ADGRG7: variants seen among roughly 807,000 people sequenced by gnomAD.
ADGRG7 encodes adhesion G protein-coupled receptor G7.
A neutral mutation model predicts 88.6 loss-of-function variants in ADGRG7; 82 were observed. The observed-to-expected ratio is 0.93, with a 90% CI of 0.77 to 1.11. ADGRG7 has a LOEUF of 1.11. Among genes scored for constraint, ADGRG7 ranks in the 50% most tolerant of loss-of-function variants. ADGRG7 has a pLI of 0.00. For synonymous variants in ADGRG7, 381 were observed against 345.2 expected (o/e 1.10, Z -1.15); for missense variants, 945 against 953.4 (o/e 0.99, Z 0.12).
At chr3:100,651,889 G>A (rs984113898) in intron 11 of ADGRG7, among the ~76,000 whole-genome samples, 1 of 152,200 alleles carries the variant, frequency 6.6e-6, no homozygotes, top group East Asian at 1.9e-4. Flanking sequence ...TAGCATTCAG[G>A]ATGTTTCTTG....
At chr3:100,665,975 A>G (rs866492632) in intron 14 of ADGRG7, among the ~76,000 whole-genome samples, 2 of 151,978 alleles carry the variant, frequency 1.3e-5, no homozygotes, top group Non-Finnish European at 2.9e-5. Flanking sequence ...AATGTTTATT[A>G]TTTGCCATGA....
chr3:100,621,234 CGAAAGGAAGA>C (rs1357606501), intron 1 of ADGRG7, among the ~76,000 whole-genome samples: 3 of 151,706 alleles, frequency 2.0e-5, no homozygotes, highest in Non-Finnish European at 4.4e-5. Flanking sequence ...ACTATTTGAG[CGAAAGGAAGA>C]GTTGCATGTC....
chr3:100,694,654 A>G, intron 15 of ADGRG7, 90 bp from the exon 16 acceptor site: 1 of 1,213,650 alleles, frequency 8.2e-7, no homozygotes, highest in Non-Finnish European at 1.2e-6. Flanking sequence ...CGTGCAGATG[A>G]GAAGGTTGGG....
chr3:100,672,373 A>C (rs953134978), intron 15 of ADGRG7, among the ~76,000 whole-genome samples: 1 of 152,124 alleles, frequency 6.6e-6, no homozygotes, highest in African/African-American at 2.4e-5. Context: ...TTATTGGTGG[A>C]TAGGAATGCT....
intron 6 of ADGRG7, chr3:100,637,626 A>T: frequency 2.1e-6 from 1 of 482,166 alleles, no homozygotes; most frequent in South Asian, 2.6e-5. Flanking sequence ...GGCCTGGGAG[A>T]TAGGGAGTAA....
At chr3:100,629,010 ATGT>A (rs1446959757) in intron 1 of ADGRG7, among the ~76,000 whole-genome samples, 2 of 152,052 alleles carry the variant, frequency 1.3e-5, no homozygotes, top group African/African-American at 4.8e-5. Context: ...CTATGTCCTG[ATGT>A]TGTTCCACAT....
chr3:100,671,419 T>A (rs1436922372), intron 15 of ADGRG7, among the ~76,000 whole-genome samples: 1 of 152,210 alleles, frequency 6.6e-6, no homozygotes, highest in Non-Finnish European at 1.5e-5. Context: ...TTCTTGTAAA[T>A]TTGTTTAAGT....
intron 4 of ADGRG7, chr3:100,635,390 C>A: frequency 3.4e-6 from 1 of 291,534 alleles, no homozygotes; most frequent in Non-Finnish European, 6.0e-6. Context: ...TTGTAACACA[C>A]AGTGAACCAG....
chr3:100,615,881 C>G (rs750518513), intron 1 of ADGRG7, among the ~76,000 whole-genome samples: 2 of 152,046 alleles, frequency 1.3e-5, no homozygotes, highest in Non-Finnish European at 2.9e-5. Flanking sequence ...GGAGCTGGAC[C>G]TGAGCCACCA....
intron 14 of ADGRG7, chr3:100,665,289 C>G: frequency 1.8e-6 from 1 of 540,688 alleles, no homozygotes; most frequent in Non-Finnish European, 3.8e-6. Context: ...ACGAGGTTGT[C>G]GTTCAGGTAG....
At chr3:100,646,275 C>A in intron 9 of ADGRG7, 167 bp downstream of exon 9, 1 of 650,898 alleles carries the variant, frequency 1.5e-6, no homozygotes, top group Non-Finnish European at 2.6e-6. Flanking sequence ...TCTTGAATAG[C>A]AAAAGCAGGG....
chr3:100,648,552 G>T (rs1707797286), intron 10 of ADGRG7, among the ~76,000 whole-genome samples: 1 of 152,090 alleles, frequency 6.6e-6, no homozygotes, highest in African/African-American at 2.4e-5. Flanking sequence ...ATGGAAAAAT[G>T]TTTATGAAAA....
intron 15 of ADGRG7, among the ~76,000 whole-genome samples, chr3:100,683,844 T>G (rs2094977528): frequency 6.6e-6 from 1 of 152,244 alleles, no homozygotes; most frequent in African/African-American, 2.4e-5. Flanking sequence ...TTATAAAACC[T>G]CATTCACCTT....
chr3:100,672,626 T>C (rs2149036424), intron 15 of ADGRG7, among the ~76,000 whole-genome samples: 1 of 152,194 alleles, frequency 6.6e-6, no homozygotes, highest in East Asian at 1.9e-4. Context: ...GGCATCCTTG[T>C]CTTGTGCCAG....
intron 1 of ADGRG7, 54 bp downstream of exon 1, chr3:100,610,025 GT>G: frequency 1.4e-6 from 2 of 1,410,272 alleles, no homozygotes; most frequent in Non-Finnish European, 2.0e-6. Flanking sequence ...TGGGACCTCT[GT>G]CCCTGCCACC....
At chr3:100,657,784 T>G (rs1184513135) in intron 13 of ADGRG7, among the ~76,000 whole-genome samples, 1 of 152,220 alleles carries the variant, frequency 6.6e-6, no homozygotes, top group Non-Finnish European at 1.5e-5. Context: ...TTGTATCTGT[T>G]AGAGGCAAGC....
At chr3:100,632,478 A>G (rs1707471272) in intron 3 of ADGRG7, among the ~76,000 whole-genome samples, 1 of 152,144 alleles carries the variant, frequency 6.6e-6, no homozygotes, top group South Asian at 2.1e-4. Context: ...TTTAGGTAAC[A>G]TTGAGGAAAA....
chr3:100,614,115 A>C (rs1216469358), intron 1 of ADGRG7, among the ~76,000 whole-genome samples: 6 of 152,312 alleles, frequency 3.9e-5, no homozygotes, highest in Non-Finnish European at 7.4e-5. Context: ...AGGTATTTTT[A>C]GATAATTCAG....
At chr3:100,688,882 G>A (rs544581973) in intron 15 of ADGRG7, among the ~76,000 whole-genome samples, 2 of 152,314 alleles carry the variant, frequency 1.3e-5, no homozygotes, top group Admixed American at 1.3e-4. Context: ...TTCTGTAGAT[G>A]TCTATTAGGT....
Sources: gnomAD v4.1 joint callset for allele counts (sites outside exome capture counted in the v4.1 genomes callset) on GRCh38, gnomAD v4.1.1 for gene constraint, MANE v1.5 for transcripts, NCBI Gene and HGNC (gene_info 2026-07-23, HGNC 2026-07-21) for gene names.